Variants in ZNF385B observed in about 807,000 individuals in gnomAD.
The protein encoded by ZNF385B is zinc finger protein 533.
A neutral mutation model predicts 39.2 loss-of-function variants in ZNF385B; 23 were observed. The ratio of observed to expected loss-of-function variants is 0.59; its 90% CI spans 0.42 to 0.83. ZNF385B has a LOEUF of 0.83. Among genes scored for constraint, ZNF385B ranks in the 40% least tolerant of loss-of-function variants. The probability of loss-of-function intolerance (pLI) is 0.00; values close to 1 mark genes in which losing one functional copy is unlikely to be tolerated. For missense variants in ZNF385B, 552 were observed against 598.9 expected (o/e 0.92, Z 0.82); for synonymous variants, 205 against 222.6 (o/e 0.92, Z 0.70).
At chr2:179,735,288 T>C (rs868629276) in intron 3 of ZNF385B, among the ~76,000 whole-genome samples, 857 of 146,618 alleles carry the variant, frequency 5.8e-3, no homozygotes, top group Middle Eastern at 0.011. Flanking sequence ...AAATTGCTCA[T>C]CATCACTGGC....
intron 3 of ZNF385B, among the ~76,000 whole-genome samples, chr2:179,734,085 A>G (rs1350012143): frequency 1.3e-5 from 2 of 152,198 alleles, no homozygotes; most frequent in East Asian, 1.9e-4. Flanking sequence ...TCTTACAGAC[A>G]TATCTTATTA....
At chr2:179,461,977 C>T (rs988330922) in intron 6 of ZNF385B, among the ~76,000 whole-genome samples, 1 of 152,164 alleles carries the variant, frequency 6.6e-6, no homozygotes, top group East Asian at 1.9e-4. Context: ...GAAAAAAGTT[C>T]TCAGGTCACC....
chr2:179,769,303 C>T (rs1002786107), intron 3 of ZNF385B, among the ~76,000 whole-genome samples, 200 bp downstream of exon 3: 2 of 152,110 alleles, frequency 1.3e-5, no homozygotes, highest in Non-Finnish European at 2.9e-5. Context: ...GTGTGTGTGC[C>T]AGTGTGTATG....
intron 1 of ZNF385B, among the ~76,000 whole-genome samples, chr2:179,842,758 T>C (rs960819057): frequency 6.6e-6 from 1 of 152,202 alleles, no homozygotes; most frequent in Non-Finnish European, 1.5e-5. Context: ...GTAGAGTCCA[T>C]GTGCCGTTAG....
In ZNF385B at chr2:179,785,745, G is replaced by A. The variant is rs12618508; in HGVS notation, c.-154-15073C>T. Among the ~76,000 whole-genome samples, 71 of 152,240 alleles carry A rather than the reference G, an allele frequency of 4.7e-4. 1 individual carries two copies. In the East Asian group the frequency reaches 0.013, roughly 28 times the overall value. On this transcript the variant is annotated intron_variant, in intron 1 of 9. Coordinates refer to ENST00000410066, the MANE Select transcript of ZNF385B (RefSeq NM_152520.6). ...TAATGAATGAGGAGTTGCTTCTTAC[G>A]GATGAGCAAAGAAAGTGGTTTCTTG... is the stretch of plus-strand genomic sequence containing the variant.
intron 3 of ZNF385B, among the ~76,000 whole-genome samples, chr2:179,547,989 T>A (rs1431885423): frequency 6.7e-6 from 1 of 149,698 alleles, no homozygotes; most frequent in Non-Finnish European, 1.5e-5. Flanking sequence ...ATAGCTATTA[T>A]AAATAGGATT....
chr2:179,594,233 T>C (rs942852522), intron 3 of ZNF385B, among the ~76,000 whole-genome samples: 4 of 152,208 alleles, frequency 2.6e-5, no homozygotes, highest in Non-Finnish European at 4.4e-5. Context: ...TATACAGCAG[T>C]TGTAACTTCA....
chr2:179,712,966 C>T (rs868830524), intron 3 of ZNF385B, among the ~76,000 whole-genome samples: 12 of 152,162 alleles, frequency 7.9e-5, no homozygotes, highest in African/African-American at 2.7e-4. Context: ...TATACCCTTT[C>T]GTGAGGCTGG....
intron 6 of ZNF385B, among the ~76,000 whole-genome samples, chr2:179,448,652 T>C (rs1339352307): frequency 2.0e-5 from 3 of 152,164 alleles, no homozygotes; most frequent in Admixed American, 1.3e-4. Flanking sequence ...AAAATGATTA[T>C]TCCTATCTTA....
intron 3 of ZNF385B, among the ~76,000 whole-genome samples, chr2:179,625,668 C>G (rs1290736277): frequency 2.0e-5 from 3 of 151,954 alleles, no homozygotes; most frequent in Admixed American, 2.0e-4. Flanking sequence ...AGGCAAAGTC[C>G]CTGACCTCAA....
In ZNF385B at chr2:179,807,692, G is replaced by A. The variant is rs1706448137; in HGVS notation, c.-154-37020C>T. On this transcript the variant is annotated intron_variant, in intron 1 of 9. Transcript: ENST00000410066. ...GGGCGGATCATAAGGTCAGGAGATC[G>A]AGACCATCCTGGCTAACACGGTGAA... 2.6e-5 allele frequency among the ~76,000 whole-genome samples: 4 copies of A among 152,052 alleles called. No homozygotes were observed. In the South Asian group the frequency reaches 8.3e-4, roughly 32 times the overall value.
intron 3 of ZNF385B, among the ~76,000 whole-genome samples, chr2:179,628,167 A>C (rs1690845074): frequency 6.6e-6 from 1 of 152,192 alleles, no homozygotes; most frequent in Non-Finnish European, 1.5e-5. Context: ...CTATTATCGC[A>C]TGTTAAAATT....
rs573348768 is a variant in ZNF385B, at chr2:179,514,556, A to G, written c.552+3972T>C. Among the ~76,000 whole-genome samples the G allele has an allele frequency of 3.3e-5, 5 of 152,332 alleles. No individual in the cohort carries two copies. The South Asian group carries it at 1.0e-3, about 32-fold the overall frequency. On this transcript the variant is annotated intron_variant, in intron 5 of 9. Transcript: ENST00000410066. ...CTGATAGAAAAAAATTCTTCAGCATATATTGTTACATAAAAAATGCAAGGC... is the reference window on the plus strand; with the variant it reads ...CTGATAGAAAAAAATTCTTCAGCATGTATTGTTACATAAAAAATGCAAGGC...
chr2:179,657,425 C>T (rs1693912886), intron 3 of ZNF385B, among the ~76,000 whole-genome samples: 1 of 152,158 alleles, frequency 6.6e-6, no homozygotes, highest in South Asian at 2.1e-4. Context: ...CTCATTTTAA[C>T]TAAGATATGA....
intron 3 of ZNF385B, among the ~76,000 whole-genome samples, chr2:179,712,141 AT>A (rs1700045178): frequency 6.6e-6 from 1 of 152,128 alleles, no homozygotes; most frequent in Non-Finnish European, 1.5e-5. Context: ...TCTTACACTA[AT>A]TCAACTATTA....
intron 3 of ZNF385B, among the ~76,000 whole-genome samples, chr2:179,748,573 A>G (rs1438213142): frequency 6.6e-6 from 1 of 152,180 alleles, no homozygotes; most frequent in Non-Finnish European, 1.5e-5. Context: ...TTTTATTTGT[A>G]TATGCTATAA....
At chr2:179,807,164 A>C (rs753990468) in intron 1 of ZNF385B, among the ~76,000 whole-genome samples, 1 of 152,232 alleles carries the variant, frequency 6.6e-6, no homozygotes, top group Admixed American at 6.5e-5. Flanking sequence ...ACATTTATAT[A>C]AATGTCTATA....
intron 3 of ZNF385B, among the ~76,000 whole-genome samples, chr2:179,688,333 C>A (rs547483284): frequency 6.6e-6 from 1 of 151,950 alleles, no homozygotes; most frequent in Non-Finnish European, 1.5e-5. Context: ...AAGTAAAAAC[C>A]TTTATTTTTA....
chr2:179,640,150 C>T (rs1244095496), intron 3 of ZNF385B, among the ~76,000 whole-genome samples: 1 of 152,080 alleles, frequency 6.6e-6, no homozygotes, highest in Non-Finnish European at 1.5e-5. Flanking sequence ...TCACAAAGAC[C>T]TGACCATTAA....
Sources: gnomAD v4.1 joint callset for allele counts (sites outside exome capture counted in the v4.1 genomes callset) on GRCh38, gnomAD v4.1.1 for gene constraint, MANE v1.5 for transcripts, NCBI Gene and HGNC (gene_info 2026-07-23, HGNC 2026-07-21) for gene names.